Variants in NDUFAF2 observed in about 807,000 individuals in gnomAD.
NDUFAF2 encodes NADH:ubiquinone oxidoreductase complex assembly factor 2.
NDUFAF2 carries 13 observed loss-of-function variants against 22.8 expected under a neutral mutation model. The ratio of observed to expected loss-of-function variants is 0.57; its 90% CI spans 0.37 to 0.91. The LOEUF (loss-of-function observed/expected upper bound fraction) is 0.91, where lower values mean the gene tolerates loss of function less well. Among genes scored for constraint, NDUFAF2 ranks in the 40% least tolerant of loss-of-function variants. The probability of loss-of-function intolerance (pLI) is 0.01; values close to 1 mark genes in which losing one functional copy is unlikely to be tolerated. For synonymous variants in NDUFAF2, 53 were observed against 64.2 expected, an observed-to-expected ratio of 0.83 and a Z score of 0.84; for missense variants, 162 against 195.2, an observed-to-expected ratio of 0.83 and a Z score of 1.01.
intron 1 of NDUFAF2, among the ~76,000 whole-genome samples, chr5:60,989,645 A>G (rs984695601): frequency 1.2e-4 from 18 of 152,206 alleles, no homozygotes; most frequent in Non-Finnish European, 2.5e-4. Context: ...TAGCACAGGA[A>G]CAGAAAACCA....
intron 1 of NDUFAF2, among the ~76,000 whole-genome samples, chr5:61,058,825 T>G (rs1752130150): frequency 6.6e-6 from 1 of 152,062 alleles, no homozygotes; most frequent in Non-Finnish European, 1.5e-5. Flanking sequence ...TACACATCAA[T>G]CAAAACCTGA....
intron 2 of NDUFAF2, among the ~76,000 whole-genome samples, chr5:61,089,790 T>C (rs1484895255): frequency 6.6e-6 from 1 of 152,106 alleles, no homozygotes; most frequent in Non-Finnish European, 1.5e-5. Flanking sequence ...TACATTCTTA[T>C]ATTAATGGAT....
intron 1 of NDUFAF2, among the ~76,000 whole-genome samples, chr5:61,045,858 G>T (rs1245993994): frequency 6.6e-6 from 1 of 151,788 alleles, no homozygotes; most frequent in Non-Finnish European, 1.5e-5. Context: ...GTATTATATT[G>T]AATAGAAGTG....
intron 3 of NDUFAF2, among the ~76,000 whole-genome samples, chr5:61,100,879 T>A (rs1752697453): frequency 6.6e-6 from 1 of 152,138 alleles, no homozygotes; most frequent in Non-Finnish European, 1.5e-5. Context: ...CATTTTTATG[T>A]TTGCCAACAT....
intron 1 of NDUFAF2, among the ~76,000 whole-genome samples, chr5:60,958,309 T>C (rs1750642868): frequency 6.6e-6 from 1 of 152,206 alleles, no homozygotes; most frequent in South Asian, 2.1e-4. Context: ...TTTAATAAAT[T>C]CAATTGGGTT....
intron 1 of NDUFAF2, among the ~76,000 whole-genome samples, chr5:60,959,415 A>T (rs1047695386): frequency 6.6e-6 from 1 of 152,096 alleles, no homozygotes; most frequent in African/African-American, 2.4e-5. Flanking sequence ...AACTTTTAAG[A>T]TAAAGATTTT....
intron 2 of NDUFAF2, among the ~76,000 whole-genome samples, chr5:61,079,828 C>G (rs1356683217): frequency 6.6e-6 from 1 of 152,164 alleles, no homozygotes; most frequent in Non-Finnish European, 1.5e-5. Context: ...CCCTAGACTC[C>G]CAGCTCCATC....
intron 1 of NDUFAF2, among the ~76,000 whole-genome samples, chr5:60,963,467 T>A (rs1308144299): frequency 1.3e-5 from 2 of 152,202 alleles, no homozygotes; most frequent in Non-Finnish European, 2.9e-5. Context: ...CCATAAGTGT[T>A]GTACATTGTA....
At chr5:61,143,393 A>G (rs572349621) in intron 3 of NDUFAF2, among the ~76,000 whole-genome samples, 64 of 152,252 alleles carry the variant, frequency 4.2e-4, no homozygotes, top group African/African-American at 1.5e-3. Context: ...TTATGGAAAG[A>G]AATTAGTGGA....
intron 2 of NDUFAF2, among the ~76,000 whole-genome samples, chr5:61,081,075 T>A (rs1752436073): frequency 6.6e-6 from 1 of 152,204 alleles, no homozygotes; most frequent in Non-Finnish European, 1.5e-5. Flanking sequence ...CACCGTTTTT[T>A]TAAATGACCA....
At chr5:61,119,448 A>G (rs1393959325) in intron 3 of NDUFAF2, among the ~76,000 whole-genome samples, 1 of 152,170 alleles carries the variant, frequency 6.6e-6, no homozygotes, top group African/African-American at 2.4e-5. Flanking sequence ...CAGGGAAAAT[A>G]CATTCATATA....
chr5:61,089,973 G>A (rs556988819), intron 2 of NDUFAF2, among the ~76,000 whole-genome samples: 67 of 151,676 alleles, frequency 4.4e-4, no homozygotes, highest in African/African-American at 1.5e-3. Flanking sequence ...CATCAGTAGG[G>A]CAGATTGTTA....
rs1213348531 is a variant in NDUFAF2 at position 60,989,807 on chromosome 5, A to G, written c.127+44425A>G. On this transcript the variant is annotated intron_variant, in intron 1 of 3. Transcript: ENST00000296597. ...AAATACCTATCGGGTACTATGCTTA[A>G]TATCTGGGTGACAAAATAATCTGTA... Among the ~76,000 whole-genome samples the G allele has an allele frequency of 2.0e-5, 3 of 152,140 alleles. No homozygotes were observed. The East Asian group carries it at 5.8e-4, about 29-fold the overall frequency.
At chr5:61,124,981 G>C (rs1243128726) in intron 3 of NDUFAF2, among the ~76,000 whole-genome samples, 2 of 151,920 alleles carry the variant, frequency 1.3e-5, no homozygotes, top group Non-Finnish European at 2.9e-5. Context: ...AGAGCAAGGA[G>C]GGAAGTACTA....
At chr5:61,077,715 A>G (rs1434646527) in intron 2 of NDUFAF2, among the ~76,000 whole-genome samples, 1 of 152,224 alleles carries the variant, frequency 6.6e-6, no homozygotes, top group South Asian at 2.1e-4. Flanking sequence ...AGAAGACAAG[A>G]TGAGGCAGGA....
chr5:61,040,301 C>CGCGCGT (rs1421472540), intron 1 of NDUFAF2, among the ~76,000 whole-genome samples: 4 of 146,042 alleles, frequency 2.7e-5, no homozygotes, highest in African/African-American at 1.0e-4. Context: ...CGCGCGCGCG[C>CGCGCGT]GAAAGTTGAA....
At chr5:61,147,272 A>T (rs1741152945) in intron 3 of NDUFAF2, among the ~76,000 whole-genome samples, 1 of 151,398 alleles carries the variant, frequency 6.6e-6, no homozygotes, top group Non-Finnish European at 1.5e-5. Flanking sequence ...TTTTTGAGAC[A>T]GGGTCTCACT....
intron 1 of NDUFAF2, chr5:61,050,667 TC>T (rs996349319): frequency 6.6e-6 from 1 of 152,226 alleles, no homozygotes; most frequent in African/African-American, 2.4e-5. Flanking sequence ...AGTTCAGTTT[TC>T]CTTTCATTAC....
intron 1 of NDUFAF2, among the ~76,000 whole-genome samples, chr5:61,047,700 A>T (rs1026264610): frequency 6.6e-6 from 1 of 152,150 alleles, no homozygotes; most frequent in Non-Finnish European, 1.5e-5. Context: ...CCTGCCACAG[A>T]GCCCAAAAGT....
Sources: gnomAD v4.1 joint callset for allele counts (sites outside exome capture counted in the v4.1 genomes callset) on GRCh38, gnomAD v4.1.1 for gene constraint, MANE v1.5 for transcripts, NCBI Gene and HGNC (gene_info 2026-07-23, HGNC 2026-07-21) for gene names.